CDC27: variants seen among roughly 807,000 people sequenced by gnomAD.
The protein encoded by CDC27 is cell division cycle protein 27 homolog.
In CDC27, 27 loss-of-function variants were observed where a neutral mutation model predicts 109.7. That is an observed-to-expected ratio of 0.25 (90% CI 0.18 to 0.34). The LOEUF (loss-of-function observed/expected upper bound fraction) is 0.34, where lower values mean the gene tolerates loss of function less well. Among genes scored for constraint, CDC27 ranks in the 10% least tolerant of loss-of-function variants. CDC27 has a pLI of 1.00. For synonymous variants in CDC27, 266 were observed against 333.9 expected, an observed-to-expected ratio of 0.80 and a Z score of 2.22; for missense variants, 579 against 960.2, an observed-to-expected ratio of 0.60 and a Z score of 5.25.
At chr17:47,155,595 T>G (rs1326009566) in intron 7 of CDC27, among the ~76,000 whole-genome samples, 1 of 152,188 alleles carries the variant, frequency 6.6e-6, no homozygotes, top group African/African-American at 2.4e-5. Flanking sequence ...ATGTATCCTC[T>G]GGGCTGAGTT....
intron 2 of CDC27, 104 bp downstream of exon 2, chr17:47,181,455 AAAC>A (rs1008631525): frequency 2.5e-5 from 15 of 598,636 alleles, no homozygotes; most frequent in South Asian, 4.9e-5. Context: ...TCAATCAGAA[AAAC>A]AACAAGATGA....
Position 47,178,554 on chromosome 17 carries a change from A to G in CDC27, c.103+3008T>C, listed in dbSNP as rs764772750. 0.017 allele frequency among the ~76,000 whole-genome samples: 149 copies of G among 8,736 alleles called. 1 individual carries two copies. In the Middle Eastern group the frequency reaches 0.23, roughly 13 times the overall value. 5.7% of individuals were successfully genotyped at this position (8,736 alleles called of 152,430 possible). A position where few individuals can be genotyped will look rare whatever the true frequency, so the allele number is the denominator to read the frequency against. ...AAATAAATAAATAAATAAAAATAAG[A>G]AAAAAAAAAAAAAACCCTGAAAAGT... On this transcript the variant is annotated intron_variant, in intron 2 of 18. Coordinates refer to ENST00000066544, the MANE Select transcript of CDC27 (RefSeq NM_001256.6).
At chr17:47,167,976 A>G (rs1312970730) in intron 4 of CDC27, among the ~76,000 whole-genome samples, 2 of 152,210 alleles carry the variant, frequency 1.3e-5, no homozygotes. Context: ...GGATATCACA[A>G]AGGATACAGA....
In CDC27 at chr17:47,132,741, TTTATTATTATTATTATTA is replaced by T. The variant is rs34229894; in HGVS notation, c.1914-385_1914-368del. Among the ~76,000 whole-genome samples, 277 of 125,148 alleles carry T rather than the reference TTTATTATTATTATTATTA, an allele frequency of 2.2e-3. 4 individuals are homozygous for T. The highest frequency in any genetic ancestry group is 7.7e-3 in the African/African-American group (255 of 33,050). 82.1% of individuals were successfully genotyped at this position (125,148 alleles called of 152,430 possible). A position where few individuals can be genotyped will look rare whatever the true frequency, so the allele number is the denominator to read the frequency against. On this transcript the variant is annotated intron_variant, in intron 14 of 18. Transcript: ENST00000066544. ...CCACAATGCCTAGCCATTAAAGCAGTTTATTATTATTATTATTATTATTATTATTATTATTATTATATT... is the reference window on the plus strand; with the variant it reads ...CCACAATGCCTAGCCATTAAAGCAGTTTATTATTATTATTATTATTATATT...
chr17:47,159,446 C>A, intron 4 of CDC27: 1 of 729,040 alleles, frequency 1.4e-6, no homozygotes, highest in Non-Finnish European at 2.2e-6. Flanking sequence ...GCTTCTTGGG[C>A]ACACGTGCCA....
Position 47,118,473 on chromosome 17 carries a change from A to T in CDC27, c.*2462T>A, listed in dbSNP as rs1170019567. 1 of 152,836 alleles carries T rather than the reference A, an allele frequency of 6.5e-6. No homozygotes were observed. Among genetic ancestry groups the T allele is most frequent in the Admixed American group, 6.6e-5 (1 of 15,258 alleles). 9.5% of individuals were successfully genotyped at this position (152,836 alleles called of 1,614,324 possible). ...AAGGCCACAACATAACTTCTGAACAAGTGTGTGCGCGTATATATATATGTA... is the reference window on the plus strand; with the variant it reads ...AAGGCCACAACATAACTTCTGAACATGTGTGTGCGCGTATATATATATGTA... On this transcript the variant is annotated 3_prime_UTR_variant, in exon 19 of 19. Transcript: ENST00000066544.
intron 10 of CDC27, among the ~76,000 whole-genome samples, chr17:47,143,014 C>T (rs918917572): frequency 6.6e-5 from 10 of 151,380 alleles, no homozygotes; most frequent in African/African-American, 1.9e-4. Context: ...TTCTGTTGCC[C>T]GTGCTGGAGT....
rs2061963685 is a variant in CDC27 at position 47,120,809 on chromosome 17, A to G, written c.*126T>C. Reference sequence around the variant, plus strand: ...ACAGTCAGGGTCCAATGAAAGTGGCACACTCATGGTATAAGTGACGGACGA... The same window carrying G: ...ACAGTCAGGGTCCAATGAAAGTGGCGCACTCATGGTATAAGTGACGGACGA... On this transcript the variant is annotated 3_prime_UTR_variant, in exon 19 of 19. Transcript: ENST00000066544. The G allele has an allele frequency of 2.0e-5, 13 of 661,024 alleles. No homozygotes were observed. In the South Asian group the frequency reaches 2.2e-4, roughly 11 times the overall value. The allele number at this position is 661,024 out of a possible 1,614,324, so 40.9% of individuals were successfully genotyped here. A position where few individuals can be genotyped will look rare whatever the true frequency, so the allele number is the denominator to read the frequency against.
intron 10 of CDC27, among the ~76,000 whole-genome samples, chr17:47,143,225 A>G (rs2062852804): frequency 6.6e-6 from 1 of 152,120 alleles, no homozygotes; most frequent in South Asian, 2.1e-4. Flanking sequence ...TGGCCTCCCA[A>G]AGTGCTAGGA....
intron 9 of CDC27, 38 bp from the exon 10 acceptor site, chr17:47,144,020 CTTGAT>C: frequency 1.1e-6 from 1 of 875,984 alleles, no homozygotes; most frequent in Admixed American, 3.3e-5. Flanking sequence ...TAATATTTTA[CTTGAT>C]TTATGACCAT....
At position 47,125,235 on chromosome 17, in the gene CDC27, C is replaced by CTTTT. The variant is rs58631604; in HGVS notation, c.2161-1279_2161-1276dup. Among the ~76,000 whole-genome samples the CTTTT allele has an allele frequency of 5.2e-4, 25 of 48,048 alleles. 2 individuals are homozygous for CTTTT. Among genetic ancestry groups the CTTTT allele is most frequent in the South Asian group, 9.2e-4 (1 of 1,086 alleles). The allele number at this position is 48,048 out of a possible 152,430, so 31.5% of individuals were successfully genotyped here. A position where few individuals can be genotyped will look rare whatever the true frequency, so the allele number is the denominator to read the frequency against. On this transcript the variant is annotated intron_variant, in intron 16 of 18. Coordinates refer to ENST00000066544, the MANE Select transcript of CDC27 (RefSeq NM_001256.6). ...GCACCCGGCCTTACTTTAAAGAAAT[C>CTTTT]TTTTTTTTTTTTTTTTTTTTTTTTT...
At chr17:47,149,318 C>T (rs574097826) in intron 9 of CDC27, among the ~76,000 whole-genome samples, 58 of 151,420 alleles carry the variant, frequency 3.8e-4, no homozygotes, top group African/African-American at 1.4e-3. Context: ...CGGGACCATC[C>T]TGGCCAACAT....
At position 47,143,750 on chromosome 17, in the gene CDC27, C is replaced by T. The variant is rs572687183; in HGVS notation, c.1170+133G>A. 4.9e-5 allele frequency: 16 copies of T among 325,526 alleles called. No homozygotes were observed. In the South Asian group the frequency reaches 2.0e-3, roughly 41 times the overall value. 20.2% of individuals were successfully genotyped at this position (325,526 alleles called of 1,614,324 possible). On this transcript the variant is annotated intron_variant, in intron 10 of 18. Transcript: ENST00000066544. ...TTAACTTCACAAAAATCATAGATGG[C>T]CCTCTAAATTAAAACATTTTAAAAT...
chr17:47,172,598 T>C (rs1189720960), intron 2 of CDC27, among the ~76,000 whole-genome samples: 3 of 152,234 alleles, frequency 2.0e-5, no homozygotes, highest in African/African-American at 4.8e-5. Flanking sequence ...AAATTGTGAA[T>C]GCTCACACCA....
intron 16 of CDC27, among the ~76,000 whole-genome samples, chr17:47,125,973 C>T (rs141669888): frequency 1.3e-3 from 197 of 152,308 alleles, no homozygotes; most frequent in African/African-American, 4.5e-3. Context: ...TTCATGCAAC[C>T]AGCATGCCTA....
At chr17:47,134,506 T>G (rs555323260) in intron 14 of CDC27, among the ~76,000 whole-genome samples, 1 of 151,826 alleles carries the variant, frequency 6.6e-6, no homozygotes, top group African/African-American at 2.4e-5. Context: ...TTTTGTTTTG[T>G]TTTTGAGATG....
intron 9 of CDC27, among the ~76,000 whole-genome samples, chr17:47,149,941 C>T (rs887880000): frequency 2.0e-5 from 3 of 151,806 alleles, no homozygotes; most frequent in African/African-American, 4.8e-5. Flanking sequence ...GGTAACAGAG[C>T]GAAACTCCGT....
chr17:47,142,072 A>T, intron 11 of CDC27, 47 bp from the exon 12 acceptor site: 1 of 1,385,326 alleles, frequency 7.2e-7, no homozygotes, highest in Non-Finnish European at 9.8e-7. Flanking sequence ...GCAATAAACT[A>T]GTCTGCTTCT....
intron 16 of CDC27, among the ~76,000 whole-genome samples, chr17:47,124,256 C>CATCTATCTATCTATCTATCT (rs71365043): frequency 0.026 from 3,803 of 148,236 alleles, 62 homozygotes; most frequent in Middle Eastern, 0.059. Flanking sequence ...TGCTTTTGGT[C>CATCTATCTATCTATCTATCT]ATCTATCTAT....
Sources: allele counts gnomAD v4.1 joint callset (sites outside exome capture counted in the v4.1 genomes callset), GRCh38; gene constraint gnomAD v4.1.1; transcripts MANE v1.5; gene names NCBI Gene and HGNC (gene_info 2026-07-23, HGNC 2026-07-21).